Variants in AARSD1 observed in about 807,000 individuals in gnomAD.
AARSD1 encodes alanyl-tRNA synthetase domain containing 1.
Under a neutral mutation model 48.7 loss-of-function variants are expected in AARSD1, and 44 were observed. The observed-to-expected ratio is 0.90, with a 90% CI of 0.71 to 1.16. The LOEUF is 1.16. Among genes scored for constraint, AARSD1 ranks in the 50% most tolerant of loss-of-function variants. The probability of loss-of-function intolerance (pLI) is 0.00; values close to 1 mark genes in which losing one functional copy is unlikely to be tolerated. For synonymous variants in AARSD1, 189 were observed against 194.9 expected, an observed-to-expected ratio of 0.97 and a Z score of 0.25; for missense variants, 511 against 523.1, an observed-to-expected ratio of 0.98 and a Z score of 0.23.
chr17:42,964,396 C>T lies in AARSD1; in HGVS notation c.39+6G>A. ...CAGTCTCAAGTGCCTCGCCGTGACG[C>T]CGTACCTCTCGGGCATAACTGTCAC... On this transcript the variant is annotated splice_donor_region_variant and intron_variant, in intron 1 of 11. Coordinates refer to ENST00000427569, the MANE Select transcript of AARSD1 (RefSeq NM_001261434.2). 1 of 1,552,392 alleles carries T rather than the reference C, an allele frequency of 6.4e-7. No homozygotes were observed. The highest frequency in any genetic ancestry group is 8.7e-7 in the Non-Finnish European group (1 of 1,147,830).
At chr17:42,961,466 G>C in intron 2 of AARSD1, 115 bp from the exon 3 acceptor site, 1 of 1,453,818 alleles carries the variant, frequency 6.9e-7, no homozygotes, top group Non-Finnish European at 9.2e-7. Context: ...GGGAGAGGGA[G>C]AAAGCAATGC....
chr17:42,953,260 G>C (rs145641055), intron 10 of AARSD1, among the ~76,000 whole-genome samples: 1 of 152,114 alleles, frequency 6.6e-6, no homozygotes, highest in Non-Finnish European at 1.5e-5. Flanking sequence ...AATTACAGGC[G>C]TGAGCCACCA....
chr17:42,958,942 T>C (rs2049594610), intron 3 of AARSD1, among the ~76,000 whole-genome samples: 1 of 148,808 alleles, frequency 6.7e-6, no homozygotes, highest in South Asian at 2.3e-4. Context: ...CTCAAGCCTG[T>C]AATCCCAGCA....
chr17:42,958,703 T>G (rs62076369), intron 3 of AARSD1, among the ~76,000 whole-genome samples: 1 of 148,140 alleles, frequency 6.8e-6, no homozygotes, highest in African/African-American at 2.5e-5. Context: ...CCCAAGTAGC[T>G]GGGATTACAG....
At chr17:42,952,820 T>C (rs993610882) in intron 10 of AARSD1, among the ~76,000 whole-genome samples, 1 of 138,374 alleles carries the variant, frequency 7.2e-6, no homozygotes, top group Non-Finnish European at 1.6e-5. Context: ...CTGTATTTAC[T>C]TTTTTTTTTT....
chr17:42,960,421 GGACA>G (rs775067065), intron 3 of AARSD1, among the ~76,000 whole-genome samples: 1 of 151,970 alleles, frequency 6.6e-6, no homozygotes, highest in African/African-American at 2.4e-5. Context: ...GGAAAGAAGT[GGACA>G]GACATTTAGA....
At chr17:42,957,410 C>T in intron 3 of AARSD1, 1 of 430,576 alleles carries the variant, frequency 2.3e-6, no homozygotes, top group Non-Finnish European at 4.0e-6. Flanking sequence ...AAACTGAAGC[C>T]TAGAGAGATC....
intron 10 of AARSD1, chr17:42,952,188 C>A (rs533772730): frequency 1.4e-4 from 56 of 392,276 alleles, no homozygotes; most frequent in Admixed American, 2.2e-4. Flanking sequence ...TTCCCCACCA[C>A]ACATCCTTTC....
At chr17:42,950,907 C>A (rs1452898138) in intron 11 of AARSD1, among the ~76,000 whole-genome samples, 179 bp from the exon 12 acceptor site, 1 of 152,048 alleles carries the variant, frequency 6.6e-6, no homozygotes, top group Non-Finnish European at 1.5e-5. Flanking sequence ...ACCTGTAATC[C>A]CAGCACTTTG....
chr17:42,952,675 A>AAAAC lies in AARSD1; in HGVS notation c.1009-785_1009-782dup, dbSNP rs568954502. Among the ~76,000 whole-genome samples, 167 of 152,178 alleles carry AAAAC rather than the reference A, an allele frequency of 1.1e-3. No homozygotes were observed. The Middle Eastern group carries it at 0.014, about 12-fold the overall frequency. The stretch of plus-strand genomic sequence containing the variant: ...ACAGAGCAAGACTCTGTCTCTGAAA[A>AAAAC]AAACAAACAAACAAACAAACAAACA... On this transcript the variant is annotated intron_variant, in intron 10 of 11. Coordinates refer to ENST00000427569, the MANE Select transcript of AARSD1 (RefSeq NM_001261434.2).
At chr17:42,951,666 G>T in intron 11 of AARSD1, 134 bp downstream of exon 11, 1 of 921,560 alleles carries the variant, frequency 1.1e-6, no homozygotes, top group Non-Finnish European at 1.6e-6. Context: ...AATTATCTCT[G>T]CTCAGCCCAC....
intron 2 of AARSD1, among the ~76,000 whole-genome samples, chr17:42,963,582 G>A (rs920555784): frequency 6.6e-6 from 1 of 151,784 alleles, no homozygotes. Context: ...ACTGTAACCC[G>A]TCTATCTCAC....
Position 42,964,161 on chromosome 17 carries a change from C to T in AARSD1, c.116G>A (p.Ser39Asn). 1 of 1,614,242 alleles carries T rather than the reference C, an allele frequency of 6.2e-7. No homozygotes were observed. ...GTCTTCCAGCACCACTTGGAAACCGCTCAGCACTTCTTTCTTGCCGTTGCT... is the reference window on the plus strand; with the variant it reads ...GTCTTCCAGCACCACTTGGAAACCGTTCAGCACTTCTTTCTTGCCGTTGCT... ...EGSNGKKEVL[S>N]GFQVVLEDTV... The change falls in exon 2 of 12, where the codon AGC (serine) becomes AAC (asparagine). Residue 39 changes from serine (S) to asparagine (N), a missense_variant. Physicochemically the swap from Ser to Asn is conservative, Grantham distance 46. Transcript: ENST00000427569.
chr17:42,950,940 C>T (rs1006866291), intron 11 of AARSD1, among the ~76,000 whole-genome samples: 3 of 151,882 alleles, frequency 2.0e-5, no homozygotes. Context: ...GGGTGGATCA[C>T]CTGAGGTCAG....
intron 10 of AARSD1, among the ~76,000 whole-genome samples, 173 bp downstream of exon 10, chr17:42,953,551 C>A (rs1388202289): frequency 6.6e-6 from 1 of 152,168 alleles, no homozygotes; most frequent in Non-Finnish European, 1.5e-5. Context: ...TAGCTCAACA[C>A]CTAAAACAGA....
rs200018802 is a variant in AARSD1, at chr17:42,957,215, G to A, written c.332-20C>T. ...GCTGCCCTAAGCAAAGAGAGCCAGA[G>A]ACAGGAGAAAAGTGAGAAGCCTACA... On this transcript the variant is annotated intron_variant, in intron 3 of 11. Transcript: ENST00000427569. 171 of 1,613,056 alleles carry A rather than the reference G, an allele frequency of 1.1e-4. No individual in the cohort carries two copies. The highest frequency in any genetic ancestry group is 1.3e-4 in the Non-Finnish European group (157 of 1,179,564).
intron 9 of AARSD1, 162 bp from the exon 10 acceptor site, chr17:42,953,940 C>T: frequency 1.3e-6 from 1 of 785,554 alleles, no homozygotes; most frequent in Non-Finnish European, 2.1e-6. Context: ...CAGCAAGCTG[C>T]CCTTCTCAGC....
chr17:42,951,823 C>T lies in AARSD1; in HGVS notation c.1080G>A (p.Ala360=), dbSNP rs773063545. 2.5e-5 allele frequency: 41 copies of T among 1,614,020 alleles called. No individual in the cohort carries two copies. Among genetic ancestry groups the T allele is most frequent in the East Asian group, 1.1e-4 (5 of 44,894 alleles). Residue 360 remains alanine (A), a synonymous_variant, in exon 11 of 12, where the codon GCG becomes GCA. Coordinates refer to ENST00000427569, the MANE Select transcript of AARSD1 (RefSeq NM_001261434.2). ...ACCTGGGCCCCAGGGTCTCCACAGA[C>T]GCAGGTGGCCCTGCCAGTAAGAAGA... ...GGLFLLAGPP[A]SVETLGPRVA...
intron 3 of AARSD1, among the ~76,000 whole-genome samples, chr17:42,958,627 G>A (rs893271967): frequency 2.0e-5 from 3 of 150,714 alleles, no homozygotes; most frequent in African/African-American, 7.3e-5. Flanking sequence ...CTGGAGTGCA[G>A]TGGTGCAATC....
Sources: allele counts gnomAD v4.1 joint callset (sites outside exome capture counted in the v4.1 genomes callset), GRCh38; gene constraint gnomAD v4.1.1; transcripts MANE v1.5; gene names NCBI Gene and HGNC (gene_info 2026-07-23, HGNC 2026-07-21).